Variants in DCLK2 observed in about 807,000 individuals in gnomAD.
DCLK2 encodes the protein doublecortin like kinase 2.
Under a neutral mutation model 78.4 loss-of-function variants are expected in DCLK2, and 31 were observed. That is an observed-to-expected ratio of 0.40 (90% CI 0.30 to 0.53). The LOEUF (loss-of-function observed/expected upper bound fraction) is 0.53, where lower values mean the gene tolerates loss of function less well. Among genes scored for constraint, DCLK2 ranks in the 20% least tolerant of loss-of-function variants. The probability of loss-of-function intolerance (pLI) is 0.61; values close to 1 mark genes in which losing one functional copy is unlikely to be tolerated. For synonymous variants in DCLK2, 407 were observed against 374.9 expected (o/e 1.09, Z -0.99); for missense variants, 872 against 973.7 (o/e 0.90, Z 1.39).
chr4:150,175,136 TTATG>T (rs1278703242), intron 2 of DCLK2, among the ~76,000 whole-genome samples: 3,345 of 114,122 alleles, frequency 0.029, 759 homozygotes, highest in African/African-American at 0.11. Context: ...TATATATAAT[TTATG>T]TATATTTTAT....
intron 2 of DCLK2, among the ~76,000 whole-genome samples, chr4:150,187,840 G>A (rs573228509): frequency 4.9e-5 from 7 of 142,748 alleles, no homozygotes; most frequent in South Asian, 4.4e-4. Flanking sequence ...TTGCTCTGTC[G>A]CTAGGCTGGA....
At chr4:150,163,393 G>A (rs548155303) in intron 2 of DCLK2, among the ~76,000 whole-genome samples, 40 of 147,148 alleles carry the variant, frequency 2.7e-4, no homozygotes, top group African/African-American at 9.3e-4. Flanking sequence ...GTGAGACTCC[G>A]TCTCAAAATA....
intron 13 of DCLK2, 35 bp from the exon 14 acceptor site, chr4:150,248,270 C>A: frequency 6.3e-7 from 1 of 1,578,622 alleles, no homozygotes; most frequent in Non-Finnish European, 8.7e-7. Context: ...CTCCTTTCTC[C>A]TCCTCTGTGG....
chr4:150,127,602 C>T lies in DCLK2; in HGVS notation c.756+24790C>T, dbSNP rs188234976. On this transcript the variant is annotated intron_variant, in intron 2 of 15. Coordinates refer to ENST00000296550, the MANE Select transcript of DCLK2 (RefSeq NM_001040260.4). ...AACCTTGTTAGGTTCATGATTAGAC[C>T]GTATGACCAACAAAAATACAGTAGC... Among the ~76,000 whole-genome samples, 52 of 152,188 alleles carry T rather than the reference C, an allele frequency of 3.4e-4. No homozygotes were observed. The East Asian group carries it at 8.5e-3, about 25-fold the overall frequency.
intron 14 of DCLK2, 152 bp from the exon 15 acceptor site, chr4:150,249,416 G>A: frequency 1.5e-6 from 1 of 671,140 alleles, no homozygotes; most frequent in Non-Finnish European, 2.7e-6. Context: ...ATTTTTGAAA[G>A]ATCATTGTTT....
At chr4:150,224,579 A>T (rs111407757) in intron 8 of DCLK2, 21 bp downstream of exon 8, 1 of 1,590,226 alleles carries the variant, frequency 6.3e-7, no homozygotes, top group Admixed American at 1.8e-5. Context: ...CATAACCCCT[A>T]GTTCTGAAAG....
At chr4:150,196,853 C>G (rs1249467008) in intron 3 of DCLK2, among the ~76,000 whole-genome samples, 1 of 152,124 alleles carries the variant, frequency 6.6e-6, no homozygotes, top group East Asian at 1.9e-4. Context: ...ATGGAAAGAA[C>G]AGTTGTTTAA....
rs1580620888 is a variant in DCLK2, at chr4:150,160,427, C to A, written c.757-32711C>A. Among the ~76,000 whole-genome samples, 3 of 152,282 alleles carry A rather than the reference C, an allele frequency of 2.0e-5. No individual in the cohort carries two copies. In the East Asian group the frequency reaches 5.8e-4, roughly 29 times the overall value. On this transcript the variant is annotated intron_variant, in intron 2 of 15. Transcript: ENST00000296550. Reference sequence around the variant, plus strand: ...ATTTAATTTACTTTCAGTATTCAAGCACCATGTTGATCAGGAGGTCCCAAG... The same window carrying A: ...ATTTAATTTACTTTCAGTATTCAAGAACCATGTTGATCAGGAGGTCCCAAG...
At chr4:150,209,952 G>A (rs1740164400) in intron 5 of DCLK2, among the ~76,000 whole-genome samples, 1 of 152,166 alleles carries the variant, frequency 6.6e-6, no homozygotes, top group African/African-American at 2.4e-5. Context: ...GCAGGTGCCT[G>A]TAATCCCAGC....
intron 15 of DCLK2, among the ~76,000 whole-genome samples, chr4:150,254,665 G>A (rs1744433642): frequency 6.6e-6 from 1 of 152,106 alleles, no homozygotes; most frequent in Admixed American, 6.5e-5. Context: ...AATTGTCCTT[G>A]GAAATTGTAG....
At chr4:150,172,537 G>A (rs546127175) in intron 2 of DCLK2, among the ~76,000 whole-genome samples, 1 of 150,900 alleles carries the variant, frequency 6.6e-6, no homozygotes, top group South Asian at 2.1e-4. Flanking sequence ...AACCCGGGAG[G>A]CGGAGCTTGC....
chr4:150,249,773 G>GGCACCAAC, intron 15 of DCLK2, 89 bp downstream of exon 15: 1 of 1,043,860 alleles, frequency 9.6e-7, no homozygotes, highest in Non-Finnish European at 1.5e-6. Flanking sequence ...TCACATGGAA[G>GGCACCAAC]TTGGTGCCTT....
intron 2 of DCLK2, among the ~76,000 whole-genome samples, chr4:150,190,264 T>C (rs536069721): frequency 0.012 from 1,357 of 113,724 alleles, 27 homozygotes; most frequent in African/African-American, 0.035. Context: ...GATAGATAGA[T>C]AGATAGATAG....
intron 8 of DCLK2, among the ~76,000 whole-genome samples, chr4:150,232,087 C>T (rs746169280): frequency 2.6e-5 from 4 of 152,134 alleles, no homozygotes; most frequent in African/African-American, 9.7e-5. Flanking sequence ...CTTAATACAC[C>T]ACAGAAGCAC....
chr4:150,240,509 G>A, intron 12 of DCLK2, 33 bp downstream of exon 12: 1 of 1,568,348 alleles, frequency 6.4e-7, no homozygotes, highest in East Asian at 2.3e-5. Flanking sequence ...TATTTGAATT[G>A]CAAATGTTCT....
chr4:150,111,527 G>A (rs1277617179), intron 2 of DCLK2, among the ~76,000 whole-genome samples: 1 of 151,934 alleles, frequency 6.6e-6, no homozygotes, highest in Admixed American at 6.6e-5. Flanking sequence ...TTTGCTTTTG[G>A]GGTCTTAGTC....
intron 1 of DCLK2, among the ~76,000 whole-genome samples, chr4:150,090,557 A>G (rs564059496): frequency 6.6e-6 from 1 of 152,332 alleles, no homozygotes; most frequent in Non-Finnish European, 1.5e-5. Flanking sequence ...TGCTGGTTCC[A>G]TCCTACCCAG....
chr4:150,118,253 T>A, intron 2 of DCLK2, among the ~76,000 whole-genome samples: 1 of 151,992 alleles, frequency 6.6e-6, no homozygotes. Flanking sequence ...AATCAGGTGA[T>A]TTCAAAAAAA....
intron 3 of DCLK2, among the ~76,000 whole-genome samples, chr4:150,197,162 A>G (rs1027242171): frequency 6.6e-6 from 1 of 152,164 alleles, no homozygotes; most frequent in Admixed American, 6.5e-5. Flanking sequence ...TCAAAAAAAA[A>G]AAAAAAAGAG....
Sources: gnomAD v4.1 joint callset for allele counts (sites outside exome capture counted in the v4.1 genomes callset) on GRCh38, gnomAD v4.1.1 for gene constraint, MANE v1.5 for transcripts, NCBI Gene and HGNC (gene_info 2026-07-23, HGNC 2026-07-21) for gene names.